Variants in SYNE1 observed in about 807,000 individuals in gnomAD.
SYNE1 encodes nesprin-1.
Under a neutral mutation model 1,111.0 loss-of-function variants are expected in SYNE1, and 616 were observed. The ratio of observed to expected loss-of-function variants is 0.55; its 90% CI spans 0.52 to 0.59. SYNE1 has a LOEUF of 0.59. Ranked by LOEUF, SYNE1 falls within the 20% of genes least tolerant of loss-of-function variation. The pLI, the probability that SYNE1 is intolerant of heterozygous loss-of-function variation, is 0.00. For synonymous variants in SYNE1, 3,855 were observed against 3,825.8 expected, an observed-to-expected ratio of 1.01 and a Z score of -0.28; for missense variants, 10,006 against 10,417.0, an observed-to-expected ratio of 0.96 and a Z score of 1.72.
At chr6:152,560,379 AAAG>A (rs1238117068) in intron 3 of SYNE1, among the ~76,000 whole-genome samples, 2 of 152,102 alleles carry the variant, frequency 1.3e-5, no homozygotes, top group Non-Finnish European at 1.5e-5. Context: ...AAGAAAAATA[AAAG>A]AAGAAGAAGA....
At chr6:152,481,597 T>C (rs1187545695) in intron 14 of SYNE1, 1 of 443,854 alleles carries the variant, frequency 2.3e-6, no homozygotes, top group Non-Finnish European at 4.5e-6. Context: ...GGTAAAAAAA[T>C]AGTTTCAATT....
At chr6:152,169,100 T>C (rs1363177986) in intron 130 of SYNE1, among the ~76,000 whole-genome samples, 7 of 151,972 alleles carry the variant, frequency 4.6e-5, no homozygotes, top group African/African-American at 1.7e-4. Flanking sequence ...CTTTAGGGGA[T>C]TAAAAACTAC....
At chr6:152,373,920 G>T (rs2097232991) in intron 58 of SYNE1, among the ~76,000 whole-genome samples, 1 of 152,214 alleles carries the variant, frequency 6.6e-6, no homozygotes, top group Non-Finnish European at 1.5e-5. Context: ...CGAAGTGAAA[G>T]AGTAAACACA....
intron 101 of SYNE1, among the ~76,000 whole-genome samples, chr6:152,258,790 G>A (rs1046591567): frequency 7.9e-5 from 12 of 151,138 alleles, no homozygotes; most frequent in Non-Finnish European, 1.0e-4. Flanking sequence ...CATCGCCCAG[G>A]CTGGAGTGTA....
In SYNE1 at chr6:152,505,261, C is replaced by G; in HGVS notation, c.718G>C (p.Glu240Gln). ...GTTTCGGCGATAGTGAAAGCATCCT[C>G]CAAATTTTCTCGGTTGGATCTGCCT... Reference protein sequence around the residue: ...VKGRSNRENLEDAFTIAETEL... With the variant: ...VKGRSNRENLQDAFTIAETEL... Residue 240 changes from glutamate to glutamine, a missense_variant, in exon 9 of 146, where the codon GAG becomes CAG. By Grantham distance (29) the Glu-to-Gln change is conservative. This residue lies in a region of SYNE1 where 1,971 missense variants were observed against 2,084.1 expected (regional missense o/e 0.95). Transcript: ENST00000367255. 2 of 1,614,120 alleles carry G rather than the reference C, an allele frequency of 1.2e-6. No homozygotes were observed. The highest frequency in any genetic ancestry group is 2.2e-5 in the South Asian group (2 of 91,076).
chr6:152,484,087 C>T (rs1157378054), intron 13 of SYNE1, among the ~76,000 whole-genome samples: 1 of 148,538 alleles, frequency 6.7e-6, no homozygotes, highest in African/African-American at 2.5e-5. Flanking sequence ...TGGTACATGC[C>T]TGTGGTCCCA....
intron 93 of SYNE1, among the ~76,000 whole-genome samples, chr6:152,295,775 G>C (rs1383509516): frequency 6.6e-6 from 1 of 152,122 alleles, no homozygotes; most frequent in Non-Finnish European, 1.5e-5. Flanking sequence ...GCTTAAACCT[G>C]ACTCTCCCAC....
chr6:152,289,548 G>C (rs2094481791), intron 95 of SYNE1, among the ~76,000 whole-genome samples: 1 of 152,198 alleles, frequency 6.6e-6, no homozygotes, highest in South Asian at 2.1e-4. Flanking sequence ...GCACCACCAT[G>C]CCCAGCTAAT....
chr6:152,234,395 A>G (rs1412565891), intron 111 of SYNE1, among the ~76,000 whole-genome samples: 1 of 152,114 alleles, frequency 6.6e-6, no homozygotes, highest in Non-Finnish European at 1.5e-5. Context: ...TCCGGGTTCA[A>G]GCGATTCTCC....
At chr6:152,308,377 C>T in intron 91 of SYNE1, 112 bp downstream of exon 91, 1 of 1,481,736 alleles carries the variant, frequency 6.7e-7, no homozygotes, top group East Asian at 2.3e-5. Flanking sequence ...AAGAGTTGAA[C>T]ACATTAAGTG....
In SYNE1 at chr6:152,133,333, C is replaced by T. The variant is rs2056310023; in HGVS notation, c.25944G>A (p.Glu8648=). The part of the protein sequence containing the change: ...IGNRLKLLLK[E]VSRHIKELEK... The stretch of plus-strand genomic sequence containing the variant: ...CCAGTTCCTTGATATGACGACTGAC[C>T]TCCTTCAAGAGAAGTTTGAGCCGAT... The change falls in exon 143 of 146, where the codon GAG becomes GAA. Residue 8648 remains glutamate (E), a synonymous_variant. Coordinates refer to ENST00000367255, the MANE Select transcript of SYNE1 (RefSeq NM_182961.4). 6.2e-7 allele frequency: 1 copy of T among 1,614,022 alleles called. No individual in the cohort carries two copies. The highest frequency in any genetic ancestry group is 1.7e-5 in the Admixed American group (1 of 60,012).
chr6:152,607,264 G>A (rs540585231), intron 3 of SYNE1, among the ~76,000 whole-genome samples: 6 of 152,096 alleles, frequency 3.9e-5, no homozygotes, highest in South Asian at 2.1e-4. Context: ...GATTACAGGC[G>A]TGAGCCACCA....
intron 21 of SYNE1, 115 bp from the exon 22 acceptor site, chr6:152,459,045 C>G: frequency 2.2e-6 from 2 of 903,722 alleles, no homozygotes; most frequent in Non-Finnish European, 3.5e-6. Flanking sequence ...TTGGTGCTTA[C>G]AAATATCCAA....
chr6:152,478,514 G>A (rs533034732), intron 14 of SYNE1: 1 of 152,414 alleles, frequency 6.6e-6, no homozygotes, highest in East Asian at 1.9e-4. Flanking sequence ...GAGCACAGAT[G>A]GTTCACCCAT....
At chr6:152,285,348 G>T (rs897005849) in intron 95 of SYNE1, among the ~76,000 whole-genome samples, 1 of 152,086 alleles carries the variant, frequency 6.6e-6, no homozygotes, top group African/African-American at 2.4e-5. Context: ...GCTATATAAT[G>T]GTCTACTAAT....
intron 130 of SYNE1, among the ~76,000 whole-genome samples, chr6:152,165,089 C>T (rs1314882347): frequency 1.3e-5 from 2 of 151,932 alleles, no homozygotes; most frequent in African/African-American, 2.4e-5. Context: ...CCCCCACCCC[C>T]ACATTACTTC....
At chr6:152,332,010 TC>T in intron 77 of SYNE1, 120 bp from the exon 78 acceptor site, 1 of 1,452,892 alleles carries the variant, frequency 6.9e-7, no homozygotes, top group Non-Finnish European at 9.5e-7. Flanking sequence ...TGCTCTTGTT[TC>T]CCAGGCTGGA....
In SYNE1 at chr6:152,141,314, C is replaced by G; in HGVS notation, c.25135G>C (p.Glu8379Gln). The G allele has an allele frequency of 1.2e-6, 2 of 1,613,998 alleles. No homozygotes were observed. The highest frequency in any genetic ancestry group is 1.7e-6 in the Non-Finnish European group (2 of 1,179,960). Reference protein sequence around the residue: ...SYKGYMKLLGECSSSIDSVKR... With the variant: ...SYKGYMKLLGQCSSSIDSVKR... ...ACGGAGTCTATACTGCTACTGCATT[C>G]GCCCAGCAGTTTCATCTGTTTAGAC... Residue 8379 changes from glutamate (E) to glutamine (Q), a missense_variant, in exon 139 of 146, where the codon GAA (glutamate) becomes CAA (glutamine). Physicochemically the swap from Glu to Gln is conservative, Grantham distance 29. Around this residue, in one of 7 missense-constraint regions of SYNE1, gnomAD observed 761 missense variants for 795.5 expected, o/e 0.96. Transcript: ENST00000367255.
chr6:152,619,868 G>T (rs58904784), intron 3 of SYNE1, among the ~76,000 whole-genome samples: 50,189 of 151,956 alleles, frequency 0.33, 8,805 homozygotes, highest in African/African-American at 0.44. Flanking sequence ...GTCTTACTCT[G>T]AGGACTTATG....
Sources: gnomAD v4.1 joint callset for allele counts (sites outside exome capture counted in the v4.1 genomes callset) on GRCh38, gnomAD v4.1.1 for gene constraint, gnomAD v4.1.1 regional missense constraint, MANE v1.5 for transcripts, NCBI Gene and HGNC (gene_info 2026-07-23, HGNC 2026-07-21) for gene names.